The following ATP7A variants were observed in gnomAD, a reference collection of about 807,000 sequenced individuals.
ATP7A encodes ATPase copper transporting alpha.
Under a neutral mutation model 83.5 loss-of-function variants are expected in ATP7A, and 7 were observed. That is an observed-to-expected ratio of 0.08 (90% CI 0.05 to 0.16). The LOEUF (loss-of-function observed/expected upper bound fraction) is 0.16. Among genes scored for constraint, ATP7A ranks in the 10% least tolerant of loss-of-function variants. The pLI, the probability that ATP7A is intolerant of heterozygous loss-of-function variation, is 1.00. For synonymous variants in ATP7A, 354 were observed against 395.2 expected (o/e 0.90, Z 1.24); for missense variants, 940 against 1,120.8 (o/e 0.84, Z 2.30).
At chrX:77,952,000 G>C (rs782704069) in intron 1 of ATP7A, among the ~76,000 whole-genome samples, 2 of 112,020 alleles carry the variant, frequency 1.8e-5, no homozygotes, top group African/African-American at 3.2e-5. Flanking sequence ...GCACATATAA[G>C]TTTCCTCCAA....
rs2149083320 is a variant in ATP7A at position 77,989,768 on chromosome X, C to T, written c.1146C>T (p.Asn382=). Residue 382 remains asparagine (N), a synonymous_variant, in exon 4 of 23, where the codon AAC becomes AAT. Transcript: ENST00000341514. ...CTCTGACACAAGAAACTGTGATAAA[C>T]ATTGATGGCATGACTTGTAATTCCT... ...SQPLTQETVI[N]IDGMTCNSCV... 1 of 1,211,050 alleles carries T rather than the reference C, an allele frequency of 8.3e-7. No individual in the cohort carries two copies. The highest frequency in any genetic ancestry group is 1.1e-6 in the Non-Finnish European group (1 of 895,011).
chrX:78,037,428 G>T (rs1194596329), intron 17 of ATP7A, among the ~76,000 whole-genome samples: 1 of 112,437 alleles, frequency 8.9e-6, no homozygotes, highest in African/African-American at 3.2e-5. Context: ...AAACATAGCA[G>T]ATATAGAACA....
At chrX:78,024,849 A>C (rs2077931823) in intron 14 of ATP7A, among the ~76,000 whole-genome samples, 1 of 111,273 alleles carries the variant, frequency 9.0e-6, no homozygotes, top group Admixed American at 9.5e-5. Context: ...AGTGCACCCT[A>C]ATATAATCTC....
chrX:78,006,488 T>G (rs2077776129), intron 6 of ATP7A, among the ~76,000 whole-genome samples: 1 of 112,251 alleles, frequency 8.9e-6, no homozygotes, highest in African/African-American at 3.2e-5. Context: ...TAATAGCTTT[T>G]TTGAAATACC....
intron 1 of ATP7A, among the ~76,000 whole-genome samples, chrX:77,925,923 T>TG (rs2077239094): frequency 1.8e-5 from 2 of 109,745 alleles, no homozygotes; most frequent in African/African-American, 6.6e-5. Flanking sequence ...TAAGGCTTTT[T>TG]TTTTTTTTAA....
intron 1 of ATP7A, among the ~76,000 whole-genome samples, chrX:77,946,002 C>T (rs1302668808): frequency 4.5e-5 from 5 of 110,717 alleles, no homozygotes; most frequent in African/African-American, 1.3e-4. Flanking sequence ...ACATATTTGT[C>T]AAAAAAGATG....
chrX:77,944,732 T>C (rs2077369186), intron 1 of ATP7A, among the ~76,000 whole-genome samples: 1 of 111,259 alleles, frequency 9.0e-6, no homozygotes, highest in African/African-American at 3.3e-5. Context: ...TCACTTGTTG[T>C]CTGGCTGAAC....
chrX:77,993,795 ACT>A (rs1345300985), intron 4 of ATP7A, among the ~76,000 whole-genome samples: 1 of 111,214 alleles, frequency 9.0e-6, no homozygotes, highest in African/African-American at 3.3e-5. Flanking sequence ...GTGTAAGTAC[ACT>A]CTATGATGTT....
In ATP7A at chrX:78,049,508, G is replaced by A. The variant is rs1017607630; in HGVS notation, c.*2938G>A. ...ACCTTAAACTTAAATATCCAAAGAT[G>A]CCTTTTGAATTTCAAAGATTAAAAC... On this transcript the variant is annotated 3_prime_UTR_variant, in exon 23 of 23. Coordinates refer to ENST00000341514, the MANE Select transcript of ATP7A (RefSeq NM_000052.7). The A allele has an allele frequency of 8.9e-5, 10 of 112,258 alleles. No individual in the cohort carries two copies. The highest frequency in any genetic ancestry group is 1.9e-4 in the African/African-American group (6 of 30,905). 9.3% of individuals were successfully genotyped at this position (112,258 alleles called of 1,213,427 possible). A position where few individuals can be genotyped will look rare whatever the true frequency, so the allele number is the denominator to read the frequency against.
In ATP7A at chrX:78,043,514, A is replaced by G. The variant is rs2078063304; in HGVS notation, c.4123+80A>G. ...CATATTGGAAGCCTGTCTTCTTACT[A>G]TTAGTTTTGAGCTTAGTTTTTGTTT... On this transcript the variant is annotated intron_variant, in intron 21 of 22. Coordinates refer to ENST00000341514, the MANE Select transcript of ATP7A (RefSeq NM_000052.7). 3 of 800,554 alleles carry G rather than the reference A, an allele frequency of 3.7e-6. No homozygotes were observed. The East Asian group carries it at 9.5e-5, about 25-fold the overall frequency. 66.0% of individuals were successfully genotyped at this position (800,554 alleles called of 1,213,427 possible).
At chrX:78,026,598 C>G (rs1557236364) in intron 14 of ATP7A, among the ~76,000 whole-genome samples, 1 of 111,869 alleles carries the variant, frequency 8.9e-6, no homozygotes, top group African/African-American at 3.3e-5. Context: ...TAATAGATAT[C>G]TACGGAATAC....
At chrX:78,027,742 T>C (rs1240110806) in intron 14 of ATP7A, among the ~76,000 whole-genome samples, 1 of 111,494 alleles carries the variant, frequency 9.0e-6, no homozygotes, top group Non-Finnish European at 1.9e-5. Context: ...AAAATAGACA[T>C]GTAGATCAAT....
chrX:77,939,093 C>T lies in ATP7A; in HGVS notation c.-22+28258C>T, dbSNP rs111851770. Reference sequence around the variant, plus strand: ...AGTGGACAACTTCAGTCCAGGAGTTCGAGATCAGCCTGGCCAACATGGCAA... The same window carrying T: ...AGTGGACAACTTCAGTCCAGGAGTTTGAGATCAGCCTGGCCAACATGGCAA... On this transcript the variant is annotated intron_variant, in intron 1 of 22. Coordinates refer to ENST00000341514, the MANE Select transcript of ATP7A (RefSeq NM_000052.7). Among the ~76,000 whole-genome samples the T allele has an allele frequency of 3.2e-3, 352 of 111,252 alleles. 4 individuals carry two copies. The highest frequency in any genetic ancestry group is 0.011 in the African/African-American group (329 of 30,589).
At chrX:78,038,414 C>A (rs2078027392) in intron 17 of ATP7A, among the ~76,000 whole-genome samples, 1 of 110,672 alleles carries the variant, frequency 9.0e-6, no homozygotes, top group African/African-American at 3.3e-5. Context: ...TGCCAGATAG[C>A]ACTAAGAGCC....
At chrX:78,041,683 A>G (rs781909420) in intron 19 of ATP7A, among the ~76,000 whole-genome samples, 12 of 111,876 alleles carry the variant, frequency 1.1e-4, no homozygotes, top group Non-Finnish European at 1.5e-4. Flanking sequence ...CCACTTTTTC[A>G]TATGCATATA....
chrX:77,948,293 AAT>A (rs2077394803), intron 1 of ATP7A, among the ~76,000 whole-genome samples: 2 of 108,244 alleles, frequency 1.8e-5, no homozygotes, highest in Admixed American at 2.0e-4. Flanking sequence ...ACGCCCCGCT[AAT>A]GTTTTTGTAT....
At chrX:78,010,921 G>A (rs1293532378) in intron 7 of ATP7A, among the ~76,000 whole-genome samples, 1 of 110,618 alleles carries the variant, frequency 9.0e-6, no homozygotes, top group African/African-American at 3.3e-5. Flanking sequence ...CCTCTACTGA[G>A]GACAGTTGTA....
At chrX:78,046,202 T>C in intron 22 of ATP7A, 92 bp from the exon 23 acceptor site, 2 of 1,041,923 alleles carry the variant, frequency 1.9e-6, no homozygotes, top group Non-Finnish European at 2.7e-6. Flanking sequence ...AAACTAAGTG[T>C]GGATGAGCAA....
chrX:77,982,240 C>T (rs2077609022), intron 2 of ATP7A, among the ~76,000 whole-genome samples: 3 of 111,777 alleles, frequency 2.7e-5, no homozygotes, highest in African/African-American at 6.5e-5. Flanking sequence ...AGAATCCTTT[C>T]AAGCTGTGAA....
Sources: allele counts gnomAD v4.1 joint callset (sites outside exome capture counted in the v4.1 genomes callset), GRCh38; gene constraint gnomAD v4.1.1; transcripts MANE v1.5; gene names NCBI Gene and HGNC (gene_info 2026-07-23, HGNC 2026-07-21).